The following RBFOX2 variants were observed in gnomAD, a reference collection of about 807,000 sequenced individuals.
RBFOX2 encodes the protein RNA binding fox-1 homolog 2.
RBFOX2 carries 10 observed loss-of-function variants against 49.1 expected under a neutral mutation model. The observed-to-expected ratio is 0.20, with a 90% CI of 0.13 to 0.35. The LOEUF is 0.35. RBFOX2 is among the 10% of genes least tolerant of loss of function. The pLI, the probability that RBFOX2 is intolerant of heterozygous loss-of-function variation, is 1.00. For missense variants in RBFOX2, 323 were observed against 486.9 expected, an observed-to-expected ratio of 0.66 and a Z score of 3.17; for synonymous variants, 183 against 187.4, an observed-to-expected ratio of 0.98 and a Z score of 0.19.
chr22:35,819,189 G>A (rs919682116), intron 1 of RBFOX2, among the ~76,000 whole-genome samples: 3 of 152,008 alleles, frequency 2.0e-5, no homozygotes, highest in South Asian at 2.1e-4. Flanking sequence ...GAATTAACCA[G>A]GTAATTGAAT....
At chr22:36,004,000 C>G (rs532477822) in intron 1 of RBFOX2, among the ~76,000 whole-genome samples, 1 of 152,304 alleles carries the variant, frequency 6.6e-6, no homozygotes, top group South Asian at 2.1e-4. Context: ...AAAGTAACAT[C>G]TCTGGCTTCC....
intron 1 of RBFOX2, among the ~76,000 whole-genome samples, chr22:35,946,915 A>G (rs980740027): frequency 5.9e-5 from 9 of 152,178 alleles, no homozygotes; most frequent in Non-Finnish European, 1.3e-4. Context: ...AAGCTGGTCA[A>G]GCACAGTGGC....
At chr22:35,909,677 T>C (rs763660189) in intron 1 of RBFOX2, among the ~76,000 whole-genome samples, 1 of 152,220 alleles carries the variant, frequency 6.6e-6, no homozygotes, top group Non-Finnish European at 1.5e-5. Flanking sequence ...AGTGGCACAA[T>C]CTCGGCTCAC....
intron 2 of RBFOX2, among the ~76,000 whole-genome samples, chr22:35,786,848 T>A (rs1946506427): frequency 6.6e-6 from 1 of 152,162 alleles, no homozygotes; most frequent in African/African-American, 2.4e-5. Flanking sequence ...CCCAATTTCA[T>A]ATGTGAAATC....
chr22:36,002,676 T>G (rs1603464894), intron 1 of RBFOX2, among the ~76,000 whole-genome samples: 1 of 152,254 alleles, frequency 6.6e-6, no homozygotes, highest in East Asian at 1.9e-4. Context: ...CAAGCTCAAG[T>G]GCAATGGCAC....
chr22:35,784,069 G>T (rs984296551), intron 2 of RBFOX2, among the ~76,000 whole-genome samples: 5 of 152,204 alleles, frequency 3.3e-5, no homozygotes, highest in African/African-American at 9.6e-5. Context: ...GGCACTGGGA[G>T]ATCCTGCCTG....
At chr22:35,877,448 G>A (rs541742410) in intron 1 of RBFOX2, among the ~76,000 whole-genome samples, 1 of 152,264 alleles carries the variant, frequency 6.6e-6, no homozygotes, top group Admixed American at 6.5e-5. Context: ...TGGTGATAAG[G>A]AGGAGACCCT....
chr22:35,827,952 AG>A (rs1177919965), intron 1 of RBFOX2, among the ~76,000 whole-genome samples: 3 of 152,132 alleles, frequency 2.0e-5, no homozygotes, highest in Non-Finnish European at 1.5e-5. Context: ...AGATCACCTG[AG>A]GTCAGGAGTT....
At chr22:35,929,048 G>A (rs2052034885) in intron 1 of RBFOX2, among the ~76,000 whole-genome samples, 1 of 152,124 alleles carries the variant, frequency 6.6e-6, no homozygotes, top group Non-Finnish European at 1.5e-5. Flanking sequence ...TGAGGCAGGA[G>A]TTCAAAGCTA....
chr22:35,953,715 T>G (rs886711721), intron 1 of RBFOX2, among the ~76,000 whole-genome samples: 1 of 152,202 alleles, frequency 6.6e-6, no homozygotes, highest in Non-Finnish European at 1.5e-5. Flanking sequence ...TACACCACAG[T>G]ACAAATGAAG....
intron 2 of RBFOX2, among the ~76,000 whole-genome samples, chr22:35,785,215 A>T (rs979903444): frequency 6.6e-6 from 1 of 152,130 alleles, no homozygotes; most frequent in Non-Finnish European, 1.5e-5. Flanking sequence ...GCATGCATTT[A>T]TCTAATTATT....
intron 1 of RBFOX2, 57 bp downstream of exon 1, chr22:36,028,183 G>T: frequency 7.1e-7 from 1 of 1,407,336 alleles, no homozygotes; most frequent in South Asian, 1.5e-5. Context: ...GGGGAGCCCG[G>T]TGTCGACCCT....
chr22:35,813,728 G>A (rs148011176), intron 1 of RBFOX2, among the ~76,000 whole-genome samples: 20 of 152,264 alleles, frequency 1.3e-4, no homozygotes, highest in East Asian at 7.7e-4. Context: ...ATCCCACATC[G>A]TACATAATAA....
chr22:35,756,299 A>C (rs949944218), intron 9 of RBFOX2, among the ~76,000 whole-genome samples, 155 bp from the exon 11 acceptor site: 2 of 152,188 alleles, frequency 1.3e-5, no homozygotes, highest in Non-Finnish European at 2.9e-5. Context: ...GTTGGTGAGA[A>C]AATGTGAAAG....
chr22:35,812,188 G>A (rs960095280), intron 1 of RBFOX2, among the ~76,000 whole-genome samples: 2 of 151,570 alleles, frequency 1.3e-5, no homozygotes, highest in Non-Finnish European at 2.9e-5. Context: ...TTGAACTCAG[G>A]AGGAGGACAT....
intron 1 of RBFOX2, among the ~76,000 whole-genome samples, chr22:35,834,663 T>C (rs1217737910): frequency 6.6e-6 from 1 of 152,064 alleles, no homozygotes; most frequent in African/African-American, 2.4e-5. Context: ...GGAAGACATT[T>C]TGGGCAGGGA....
intron 1 of RBFOX2, among the ~76,000 whole-genome samples, chr22:35,906,742 G>A (rs1276335539): frequency 9.2e-5 from 14 of 152,062 alleles, no homozygotes; most frequent in Admixed American, 9.2e-4. Context: ...TTGAACCCAG[G>A]AAGTGGAGGC....
chr22:35,898,665 C>A (rs1037164001), intron 1 of RBFOX2, among the ~76,000 whole-genome samples: 5 of 151,902 alleles, frequency 3.3e-5, no homozygotes, highest in Non-Finnish European at 7.4e-5. Flanking sequence ...TGACCTCAAG[C>A]GATCCACCTG....
chr22:35,854,328 T>C (rs1390132555), intron 1 of RBFOX2, among the ~76,000 whole-genome samples: 5 of 152,158 alleles, frequency 3.3e-5, no homozygotes, highest in African/African-American at 1.2e-4. Flanking sequence ...CTCATGCCTA[T>C]AATCCCAGCA....
Sources: allele counts gnomAD v4.1 joint callset (sites outside exome capture counted in the v4.1 genomes callset), GRCh38; gene constraint gnomAD v4.1.1; transcripts MANE v1.5; gene names NCBI Gene and HGNC (gene_info 2026-07-23, HGNC 2026-07-21).